Variants in HMGA1 observed in about 807,000 individuals in gnomAD.
HMGA1 encodes high mobility group AT-hook 1.
HMGA1 carries 1 observed loss-of-function variant against 15.1 expected under a neutral mutation model. The ratio of observed to expected loss-of-function variants is 0.07; its 90% CI spans 0.02 to 0.31. The LOEUF (loss-of-function observed/expected upper bound fraction) is 0.31, where lower values mean the gene tolerates loss of function less well. Among genes scored for constraint, HMGA1 ranks in the 10% least tolerant of loss-of-function variants. The probability of loss-of-function intolerance (pLI) is 1.00; values close to 1 mark genes in which losing one functional copy is unlikely to be tolerated. For synonymous variants in HMGA1, 56 were observed against 54.8 expected (o/e 1.02, Z -0.10); for missense variants, 94 against 141.4 (o/e 0.66, Z 1.70).
Position 34,240,892 on chromosome 6 carries a change from G to C in HMGA1, c.112G>C (p.Gly38Arg). The C allele has an allele frequency of 6.2e-7, 1 of 1,613,682 alleles. No individual in the cohort carries two copies. Among genetic ancestry groups the C allele is most frequent in the Admixed American group, 1.7e-5 (1 of 60,008 alleles). Residue 38 changes from glycine (G) to arginine (R), a missense_variant, in exon 3 of 6, where the codon GGG becomes CGG. Gly to Arg is a moderately radical substitution (Grantham distance 125). Transcript: ENST00000311487. ...RPRKQPPVSP[G>R]TALVGSQKEP... ...GCGCAAGCAGCCTCCGGTGAGTCCC[G>C]GGACAGCGCTGGTAGGGAGTCAGGT...
At chr6:34,242,895 A>C (rs1421253426) in intron 4 of HMGA1, 100 bp downstream of exon 4, 1 of 839,176 alleles carries the variant, frequency 1.2e-6, no homozygotes. Context: ...GAAGGGGCTC[A>C]GTCATCTCAG....
At chr6:34,239,955 A>G (rs1762161357) in intron 2 of HMGA1, among the ~76,000 whole-genome samples, 1 of 152,066 alleles carries the variant, frequency 6.6e-6, no homozygotes. Flanking sequence ...AGAATTCCCT[A>G]CCCATCTGAC....
At chr6:34,240,676 T>C in intron 2 of HMGA1, 61 bp from the exon 3 acceptor site, 1 of 1,317,466 alleles carries the variant, frequency 7.6e-7, no homozygotes, top group Non-Finnish European at 1.1e-6. Flanking sequence ...GTGTGGGTGA[T>C]GAGGGGGTAG....
Position 34,242,600 on chromosome 6 carries a change from G to C in HMGA1, c.136-112G>C, listed in dbSNP as rs1389303479. The C allele has an allele frequency of 1.7e-5, 13 of 759,532 alleles. No homozygotes were observed. The East Asian group carries it at 3.5e-4, about 21-fold the overall frequency. 47.0% of individuals were successfully genotyped at this position (759,532 alleles called of 1,614,324 possible). A position where few individuals can be genotyped will look rare whatever the true frequency, so the allele number is the denominator to read the frequency against. On this transcript the variant is annotated intron_variant, in intron 3 of 5. Transcript: ENST00000311487. ...GGGATTCCTAGGTCAGGGATGGTTTGTGGTTCTTGGTTCTTGCTGACTTAA... is the reference window on the plus strand; with the variant it reads ...GGGATTCCTAGGTCAGGGATGGTTTCTGGTTCTTGGTTCTTGCTGACTTAA...
chr6:34,241,011 G>C, intron 3 of HMGA1, 96 bp downstream of exon 3: 1 of 1,413,232 alleles, frequency 7.1e-7, no homozygotes, highest in South Asian at 1.2e-5. Flanking sequence ...CATGGAGGGT[G>C]CAGAATGATT....
At chr6:34,241,079 C>A (rs1762268685) in intron 3 of HMGA1, among the ~76,000 whole-genome samples, 164 bp downstream of exon 3, 1 of 152,206 alleles carries the variant, frequency 6.6e-6, no homozygotes, top group South Asian at 2.1e-4. Context: ...GCCCCACTTG[C>A]AACCCTGGTC....
chr6:34,237,195 C>CG lies in HMGA1; in HGVS notation c.-158-7dup, dbSNP rs1386706049. On this transcript the variant is annotated splice_polypyrimidine_tract_variant and intron_variant, in intron 1 of 5. Coordinates refer to ENST00000311487, the MANE Select transcript of HMGA1 (RefSeq NM_145899.3). ...GTCTCTGAGCGCCTCTGCTCTCTCC[C>CG]GGTTTCAGATCCGCATTTGCTACCA... is the stretch of plus-strand genomic sequence containing the variant. 1 of 150,456 alleles carries CG rather than the reference C, an allele frequency of 6.6e-6. No individual in the cohort carries two copies. The highest frequency in any genetic ancestry group is 1.5e-5 in the Non-Finnish European group (1 of 67,494). 9.3% of individuals were successfully genotyped at this position (150,456 alleles called of 1,614,324 possible).
At chr6:34,242,013 G>A (rs1315566479) in intron 3 of HMGA1, among the ~76,000 whole-genome samples, 1 of 152,152 alleles carries the variant, frequency 6.6e-6, no homozygotes, top group Admixed American at 6.5e-5. Flanking sequence ...AGGGTTACTG[G>A]ACCCTGGTTA....
In HMGA1 at chr6:34,237,289, C is replaced by T. The variant is rs923785474; in HGVS notation, c.-73C>T. ...CCGCCGCTCCCGGCAACCCGGAGCG[C>T]GCACCGCAGGCCGGCGGCCGAGCTC... On this transcript the variant is annotated 5_prime_UTR_variant, in exon 2 of 6. Transcript: ENST00000311487. The T allele has an allele frequency of 6.8e-6, 1 of 147,978 alleles. No homozygotes were observed. The highest frequency in any genetic ancestry group is 6.7e-5 in the Admixed American group (1 of 14,924). The allele number at this position is 147,978 out of a possible 1,614,324, so 9.2% of individuals were successfully genotyped here.
At chr6:34,240,535 G>A in intron 2 of HMGA1, 1 of 518,118 alleles carries the variant, frequency 1.9e-6, no homozygotes. Context: ...AGATAGATAA[G>A]AAGCTGATTA....
intron 2 of HMGA1, among the ~76,000 whole-genome samples, chr6:34,240,516 C>T (rs1762214514): frequency 6.6e-6 from 1 of 152,124 alleles, no homozygotes; most frequent in African/African-American, 2.4e-5. Context: ...AAGAGCCCTT[C>T]TGAACAGGAG....
At chr6:34,244,294 C>G (rs1486109124) in intron 5 of HMGA1, among the ~76,000 whole-genome samples, 17 of 152,094 alleles carry the variant, frequency 1.1e-4, no homozygotes, top group Admixed American at 1.1e-3. Context: ...ACATTCCCGC[C>G]CAGTGAGTGA....
intron 3 of HMGA1, 97 bp from the exon 4 acceptor site, chr6:34,242,615 T>G: frequency 1.2e-6 from 1 of 838,038 alleles, no homozygotes. Context: ...TCTTGGTTCT[T>G]GCTGACTTAA....
chr6:34,240,891 C>T lies in HMGA1; in HGVS notation c.111C>T (p.Pro37=), dbSNP rs145962870. The T allele has an allele frequency of 3.0e-4, 483 of 1,613,674 alleles. 6 individuals are homozygous for T. The African/African-American group carries it at 5.3e-3, about 18-fold the overall frequency. ...GRPRKQPPVS[P]GTALVGSQKE... ...CGCGCAAGCAGCCTCCGGTGAGTCC[C>T]GGGACAGCGCTGGTAGGGAGTCAGG... Residue 37 remains proline, a synonymous_variant, in exon 3 of 6, where the codon CCC becomes CCT. Coordinates refer to ENST00000311487, the MANE Select transcript of HMGA1 (RefSeq NM_145899.3).
chr6:34,243,757 T>C (rs531006283), intron 5 of HMGA1, among the ~76,000 whole-genome samples: 3 of 152,214 alleles, frequency 2.0e-5, no homozygotes, highest in South Asian at 4.1e-4. Flanking sequence ...GCCCTAGTTG[T>C]GTGTGGGGGT....
At chr6:34,240,364 G>A (rs1356593404) in intron 2 of HMGA1, among the ~76,000 whole-genome samples, 1 of 152,180 alleles carries the variant, frequency 6.6e-6, no homozygotes, top group Non-Finnish European at 1.5e-5. Flanking sequence ...AGAAGGAGGG[G>A]ATGCTGGCAA....
intron 5 of HMGA1, among the ~76,000 whole-genome samples, 160 bp downstream of exon 5, chr6:34,243,678 CCTGGG>C (rs1250720575): frequency 1.3e-5 from 2 of 152,134 alleles, no homozygotes; most frequent in African/African-American, 4.8e-5. Flanking sequence ...AGGTACCTGG[CCTGGG>C]CTGTGCCCAT....
At chr6:34,240,682 G>C in intron 2 of HMGA1, 55 bp from the exon 3 acceptor site, 1 of 1,376,290 alleles carries the variant, frequency 7.3e-7, no homozygotes, top group African/African-American at 1.4e-5. Context: ...GTGATGAGGG[G>C]GTAGAAAGTG....
rs371338964 is a variant in HMGA1 at position 34,240,792 on chromosome 6, G to C, written c.12G>C (p.Ser4=). The C allele has an allele frequency of 4.3e-6, 7 of 1,612,540 alleles. No individual in the cohort carries two copies. Among genetic ancestry groups the C allele is most frequent in the South Asian group, 3.3e-5 (3 of 91,002 alleles). Residue 4 remains serine (S), a synonymous_variant, in exon 3 of 6, where the codon TCG becomes TCC. Transcript: ENST00000311487. MSE[S]SSKSSQPLAS... ...TTAGAGAAGGGAAGATGAGTGAGTC[G>C]AGCTCGAAGTCCAGCCAGCCCTTGG...
Sources: gnomAD v4.1 joint callset for allele counts (sites outside exome capture counted in the v4.1 genomes callset) on GRCh38, gnomAD v4.1.1 for gene constraint, MANE v1.5 for transcripts, NCBI Gene and HGNC (gene_info 2026-07-23, HGNC 2026-07-21) for gene names.